The following RHAG variants were observed in gnomAD, a reference collection of about 807,000 sequenced individuals.
The protein encoded by RHAG is Rh associated glycoprotein, also known as ammonium transporter Rh type A.
Under a neutral mutation model 42.4 loss-of-function variants are expected in RHAG, and 25 were observed. The ratio of observed to expected loss-of-function variants is 0.59; its 90% CI spans 0.43 to 0.82. The LOEUF is 0.82. Among genes scored for constraint, RHAG ranks in the 40% least tolerant of loss-of-function variants. RHAG has a pLI of 0.00. For synonymous variants in RHAG, 182 were observed against 177.7 expected (o/e 1.02, Z -0.19); for missense variants, 483 against 504.6 (o/e 0.96, Z 0.41).
Position 49,606,787 on chromosome 6 carries a change from G to GT in RHAG, c.1212+60dup. On this transcript the variant is annotated intron_variant, in intron 9 of 9. Coordinates refer to ENST00000371175, the MANE Select transcript of RHAG (RefSeq NM_000324.3). ...GCACACAGATATCTAGGCTTGAAGT[G>GT]TGTAAAGCTTTCACTAATGGAGTCA... is the stretch of plus-strand genomic sequence containing the variant. The GT allele has an allele frequency of 4.4e-6, 5 of 1,130,434 alleles. No homozygotes were observed. The South Asian group carries it at 5.0e-5, about 11-fold the overall frequency. 70.0% of individuals were successfully genotyped at this position (1,130,434 alleles called of 1,614,324 possible). A position where few individuals can be genotyped will look rare whatever the true frequency, so the allele number is the denominator to read the frequency against.
chr6:49,621,699 T>C (rs894680503), intron 1 of RHAG, among the ~76,000 whole-genome samples: 1 of 152,232 alleles, frequency 6.6e-6, no homozygotes, highest in Non-Finnish European at 1.5e-5. Flanking sequence ...AAATTTGATC[T>C]AGATCATAGA....
In RHAG at chr6:49,615,704, C is replaced by A; in HGVS notation, c.560G>T (p.Gly187Val). The A allele has an allele frequency of 6.2e-7, 1 of 1,614,114 alleles. No homozygotes were observed. The highest frequency in any genetic ancestry group is 8.5e-7 in the Non-Finnish European group (1 of 1,180,000). ...FGAYFGLAVA[G>V]ILYRSGLRKG... ...TCTCAGTCCAGATCGATACAAGATG[C>A]CTGCTACAGCCAAGCCAAAGTAGGC... Residue 187 changes from glycine (G) to valine (V), a missense_variant, in exon 4 of 10, where the codon GGC (glycine) becomes GTC (valine). Physicochemically the swap from Gly to Val is moderately radical, Grantham distance 109. Coordinates refer to ENST00000371175, the MANE Select transcript of RHAG (RefSeq NM_000324.3).
chr6:49,609,583 C>T (rs1335958947), intron 7 of RHAG, among the ~76,000 whole-genome samples: 1 of 152,124 alleles, frequency 6.6e-6, no homozygotes, highest in East Asian at 1.9e-4. Flanking sequence ...AAAAGATGTG[C>T]ATATTCTGGA....
At position 49,605,434 on chromosome 6, in the gene RHAG, T is replaced by C; in HGVS notation, c.*379A>G. The C allele has an allele frequency of 3.7e-6, 1 of 271,414 alleles. No homozygotes were observed. 16.8% of individuals were successfully genotyped at this position (271,414 alleles called of 1,614,324 possible). A position where few individuals can be genotyped will look rare whatever the true frequency, so the allele number is the denominator to read the frequency against. The stretch of plus-strand genomic sequence containing the variant: ...CTCACATCTATTCTTGCTTCATGGG[T>C]TTCAGTTTTATAATTTTTGGGATTG... On this transcript the variant is annotated 3_prime_UTR_variant, in exon 10 of 10. Transcript: ENST00000371175.
intron 1 of RHAG, among the ~76,000 whole-genome samples, chr6:49,628,135 GAC>G (rs57969448): frequency 0.22 from 29,580 of 135,594 alleles, 3,710 homozygotes; most frequent in Middle Eastern, 0.3. Context: ...GTGTGTGTGA[GAC>G]ACACACACAC....
intron 4 of RHAG, 93 bp downstream of exon 4, chr6:49,615,530 TG>T: frequency 1.4e-6 from 2 of 1,395,618 alleles, no homozygotes; most frequent in South Asian, 2.3e-5. Flanking sequence ...CTGGCTTGGA[TG>T]TTCTTTTTGA....
intron 4 of RHAG, 145 bp downstream of exon 4, chr6:49,615,479 G>T: frequency 1.1e-6 from 1 of 895,362 alleles, no homozygotes; most frequent in Non-Finnish European, 1.8e-6. Context: ...TCCCACCTCA[G>T]CCTCCTGAGT....
chr6:49,636,817 G>T lies in RHAG; in HGVS notation c.-5C>A. 1 of 1,613,626 alleles carries T rather than the reference G, an allele frequency of 6.2e-7. No homozygotes were observed. The highest frequency in any genetic ancestry group is 2.2e-5 in the East Asian group (1 of 44,858). The stretch of plus-strand genomic sequence containing the variant: ...GAGAGGGAATGTGAACCTCATGTTT[G>T]TGGCAAAGGACAGAGGCACACTGAG... On this transcript the variant is annotated 5_prime_UTR_variant, in exon 1 of 10. Coordinates refer to ENST00000371175, the MANE Select transcript of RHAG (RefSeq NM_000324.3).
intron 1 of RHAG, among the ~76,000 whole-genome samples, chr6:49,631,282 T>C (rs1029802139): frequency 1.1e-4 from 16 of 152,216 alleles, no homozygotes; most frequent in Non-Finnish European, 2.1e-4. Context: ...CAATAACTTT[T>C]CACCCAATGA....
intron 7 of RHAG, among the ~76,000 whole-genome samples, chr6:49,607,767 G>T (rs533759706): frequency 6.6e-6 from 1 of 152,302 alleles, no homozygotes; most frequent in East Asian, 1.9e-4. Context: ...CCATTGAAGT[G>T]CATAAAGGTG....
At chr6:49,613,907 A>G (rs781154193) in intron 5 of RHAG, among the ~76,000 whole-genome samples, 2 of 152,202 alleles carry the variant, frequency 1.3e-5, no homozygotes, top group Non-Finnish European at 2.9e-5. Context: ...AATTTTTTCT[A>G]GTATCCTATT....
At chr6:49,628,683 C>G (rs1312000280) in intron 1 of RHAG, among the ~76,000 whole-genome samples, 1 of 150,116 alleles carries the variant, frequency 6.7e-6, no homozygotes, top group African/African-American at 2.5e-5. Context: ...CTCATGGTCT[C>G]GCTGGCTTCA....
Position 49,605,796 on chromosome 6 carries a change from T to C in RHAG, c.*17A>G. On this transcript the variant is annotated 3_prime_UTR_variant, in exon 10 of 10. Coordinates refer to ENST00000371175, the MANE Select transcript of RHAG (RefSeq NM_000324.3). ...CAGCTGGCTGTGGTCACCATGTCCA[T>C]GGAACTGATTGTCAAGTTATCTCGT... 6.2e-7 allele frequency: 1 copy of C among 1,612,274 alleles called. No individual in the cohort carries two copies. Among genetic ancestry groups the C allele is most frequent in the African/African-American group, 1.3e-5 (1 of 75,000 alleles).
intron 1 of RHAG, among the ~76,000 whole-genome samples, chr6:49,631,304 A>G (rs2127358555): frequency 1.3e-5 from 2 of 152,350 alleles, no homozygotes; most frequent in African/African-American, 4.8e-5. Context: ...TTTAGCTTCC[A>G]TGATGAACAT....
chr6:49,633,014 C>T (rs555754553), intron 1 of RHAG, among the ~76,000 whole-genome samples: 3 of 152,252 alleles, frequency 2.0e-5, no homozygotes, highest in African/African-American at 7.2e-5. Flanking sequence ...TATTCAGGTA[C>T]ATAACATAGT....
chr6:49,619,196 A>C lies in RHAG; in HGVS notation c.324T>G (p.Phe108Leu). 1 of 1,614,056 alleles carries C rather than the reference A, an allele frequency of 6.2e-7. No homozygotes were observed. Among genetic ancestry groups the C allele is most frequent in the Non-Finnish European group, 8.5e-7 (1 of 1,179,948 alleles). The change falls in exon 2 of 10, where the codon TTT (phenylalanine) becomes TTG (leucine). Residue 108 changes from phenylalanine (F) to leucine (L), a missense_variant. Transcript: ENST00000371175. ...ATGCTCACTTTTTGATTCCAATGTT[A>C]AATTTCTGTCCCTGGCTTTGCAGGA... Reference protein sequence around the residue: ...QGILQSQGQKFNIGIKNMINA... With the variant: ...QGILQSQGQKLNIGIKNMINA...
intron 1 of RHAG, among the ~76,000 whole-genome samples, chr6:49,631,243 C>G (rs956764243): frequency 6.6e-6 from 1 of 152,146 alleles, no homozygotes; most frequent in East Asian, 1.9e-4. Context: ...CTGGGTGACT[C>G]TTTCAGAACA....
At position 49,610,087 on chromosome 6, in the gene RHAG, G is replaced by A. The variant is rs372697279; in HGVS notation, c.1067+937C>T. Among the ~76,000 whole-genome samples the A allele has an allele frequency of 1.8e-4, 27 of 151,796 alleles. No individual in the cohort carries two copies. The East Asian group carries it at 5.0e-3, about 28-fold the overall frequency. Reference sequence around the variant, plus strand: ...CCTGATGGGGGGTGGGGTACAAGGGGAGGGAGAGCATTAGGACAAATACCT... The same window carrying A: ...CCTGATGGGGGGTGGGGTACAAGGGAAGGGAGAGCATTAGGACAAATACCT... On this transcript the variant is annotated intron_variant, in intron 7 of 9. Transcript: ENST00000371175.
intron 1 of RHAG, among the ~76,000 whole-genome samples, chr6:49,633,453 C>CAT (rs534632145): frequency 2.4e-4 from 37 of 152,090 alleles, no homozygotes; most frequent in Non-Finnish European, 1.3e-4. Flanking sequence ...ATCCATATAG[C>CAT]ATATATATGT....
Sources: gnomAD v4.1 joint callset for allele counts (sites outside exome capture counted in the v4.1 genomes callset) on GRCh38, gnomAD v4.1.1 for gene constraint, MANE v1.5 for transcripts, NCBI Gene and HGNC (gene_info 2026-07-23, HGNC 2026-07-21) for gene names.